The following LPP variants were observed in gnomAD, a reference collection of about 807,000 sequenced individuals.
The protein encoded by LPP is LIM domain containing preferred translocation partner in lipoma.
LPP carries 38 observed loss-of-function variants against 60.4 expected under a neutral mutation model. The observed-to-expected ratio is 0.63, with a 90% CI of 0.49 to 0.83. The LOEUF (loss-of-function observed/expected upper bound fraction) is 0.83, where lower values mean the gene tolerates loss of function less well. LPP is among the 40% of genes least tolerant of loss of function. The probability of loss-of-function intolerance (pLI) is 0.00; values close to 1 mark genes in which losing one functional copy is unlikely to be tolerated. For synonymous variants in LPP, 328 were observed against 290.8 expected (o/e 1.13, Z -1.30); for missense variants, 902 against 783.6 (o/e 1.15, Z -1.80).
intron 6 of LPP, among the ~76,000 whole-genome samples, chr3:188,551,043 A>G (rs1040682938): frequency 6.6e-6 from 1 of 152,180 alleles, no homozygotes; most frequent in Non-Finnish European, 1.5e-5. Flanking sequence ...CTATTAACTC[A>G]TGGAGAGAGA....
chr3:188,773,316 ATACTT>A (rs1244316451), intron 9 of LPP, among the ~76,000 whole-genome samples: 7 of 152,116 alleles, frequency 4.6e-5, no homozygotes, highest in Non-Finnish European at 1.0e-4. Flanking sequence ...CTTTTTTTGA[ATACTT>A]CACAAGGACA....
intron 2 of LPP, among the ~76,000 whole-genome samples, chr3:188,229,501 T>A (rs774005204): frequency 1.3e-5 from 2 of 152,194 alleles, no homozygotes; most frequent in African/African-American, 4.8e-5. Flanking sequence ...CTATAATTCC[T>A]CAGTCAGGTG....
chr3:188,414,576 A>G (rs1785684430), intron 4 of LPP, among the ~76,000 whole-genome samples: 1 of 152,182 alleles, frequency 6.6e-6, no homozygotes, highest in African/African-American at 2.4e-5. Flanking sequence ...AGAGATCACA[A>G]TGCCTCAACA....
chr3:188,368,185 C>T (rs1335820485), intron 3 of LPP, among the ~76,000 whole-genome samples: 3 of 152,214 alleles, frequency 2.0e-5, no homozygotes, highest in African/African-American at 7.2e-5. Context: ...AGCACTTTAA[C>T]TCAGAGAGTT....
intron 4 of LPP, among the ~76,000 whole-genome samples, chr3:188,479,141 G>A (rs927689384): frequency 9.9e-5 from 15 of 152,166 alleles, no homozygotes; most frequent in African/African-American, 3.4e-4. Flanking sequence ...CCTTGTGTGT[G>A]TGCGTGTGTG....
intron 5 of LPP, among the ~76,000 whole-genome samples, chr3:188,524,270 G>A (rs1819839138): frequency 6.6e-6 from 1 of 152,142 alleles, no homozygotes; most frequent in Non-Finnish European, 1.5e-5. Flanking sequence ...TTCCTTCCCT[G>A]CTCCTTGCTA....
intron 9 of LPP, among the ~76,000 whole-genome samples, chr3:188,843,273 C>G (rs1760487838): frequency 6.6e-6 from 1 of 152,306 alleles, no homozygotes; most frequent in Non-Finnish European, 1.5e-5. Context: ...TTGCTTCTCA[C>G]AGCAGTCATT....
chr3:188,754,052 T>C (rs556339041), intron 8 of LPP, among the ~76,000 whole-genome samples: 1 of 152,308 alleles, frequency 6.6e-6, no homozygotes, highest in African/African-American at 2.4e-5. Context: ...AAGAAAATAG[T>C]GAGAACTCAG....
chr3:188,320,752 C>T (rs146124901), intron 2 of LPP, among the ~76,000 whole-genome samples: 2 of 152,286 alleles, frequency 1.3e-5, no homozygotes, highest in Non-Finnish European at 2.9e-5. Flanking sequence ...TAGCTTCATG[C>T]ACTGATGCAT....
At chr3:188,250,752 T>G (rs9755796) in intron 2 of LPP, among the ~76,000 whole-genome samples, 3,727 of 120,830 alleles carry the variant, frequency 0.031, 188 homozygotes, top group African/African-American at 0.12. Flanking sequence ...CTTTCTTTCT[T>G]TCTTTCTTTC....
intron 2 of LPP, among the ~76,000 whole-genome samples, chr3:188,234,434 C>T (rs559131235): frequency 6.0e-4 from 91 of 152,268 alleles, no homozygotes; most frequent in Non-Finnish European, 1.1e-3. Context: ...TTAGGAATAT[C>T]GCCATGGGAG....
At chr3:188,216,261 T>G (rs1055491720) in intron 1 of LPP, among the ~76,000 whole-genome samples, 2 of 150,588 alleles carry the variant, frequency 1.3e-5, no homozygotes, top group Non-Finnish European at 2.9e-5. Context: ...TCTGCTCGTC[T>G]TCTTCTTCTT....
intron 9 of LPP, among the ~76,000 whole-genome samples, chr3:188,796,584 C>T (rs1745416349): frequency 6.6e-6 from 1 of 152,132 alleles, no homozygotes; most frequent in South Asian, 2.1e-4. Context: ...TCCAACTCTC[C>T]TCATCGTTTC....
At chr3:188,479,466 C>A (rs992684) in intron 4 of LPP, among the ~76,000 whole-genome samples, 1 of 152,188 alleles carries the variant, frequency 6.6e-6, no homozygotes, top group African/African-American at 2.4e-5. Flanking sequence ...ACATTGACAT[C>A]TGAGATGTAC....
intron 2 of LPP, among the ~76,000 whole-genome samples, chr3:188,246,075 C>G (rs1275262372): frequency 6.6e-6 from 1 of 152,126 alleles, no homozygotes; most frequent in Non-Finnish European, 1.5e-5. Context: ...TAGAATATCC[C>G]TTGGATGTCC....
At chr3:188,634,738 G>A (rs147307389) in intron 7 of LPP, among the ~76,000 whole-genome samples, 3,827 of 152,246 alleles carry the variant, frequency 0.025, 70 homozygotes, top group Non-Finnish European at 0.04. Flanking sequence ...CCCCAGATGG[G>A]ACCATCTAGT....
intron 7 of LPP, among the ~76,000 whole-genome samples, chr3:188,676,891 A>G (rs763974855): frequency 6.6e-6 from 1 of 152,176 alleles, no homozygotes; most frequent in South Asian, 2.1e-4. Context: ...ATAAGACTGT[A>G]ACATTTGTTC....
chr3:188,274,930 G>A (rs923033929), intron 2 of LPP, among the ~76,000 whole-genome samples: 5 of 152,130 alleles, frequency 3.3e-5, no homozygotes, highest in African/African-American at 4.8e-5. Flanking sequence ...TCCAATTATC[G>A]TTAGGAGTCT....
At chr3:188,334,980 T>C (rs533214567) in intron 2 of LPP, among the ~76,000 whole-genome samples, 157 of 152,326 alleles carry the variant, frequency 1.0e-3, no homozygotes, top group African/African-American at 3.5e-3. Context: ...CTTGTTTCCT[T>C]TGTTGAAAAT....
Sources: allele counts gnomAD v4.1 joint callset (sites outside exome capture counted in the v4.1 genomes callset), GRCh38; gene constraint gnomAD v4.1.1; transcripts MANE v1.5; gene names NCBI Gene and HGNC (gene_info 2026-07-23, HGNC 2026-07-21).